The following NRG1 variants were observed in gnomAD, a reference collection of about 807,000 sequenced individuals.
The protein encoded by NRG1 is neuregulin 1, also known as pro-neuregulin-1, membrane-bound isoform.
NRG1 carries 18 observed loss-of-function variants against 63.8 expected under a neutral mutation model. The observed-to-expected ratio is 0.28, with a 90% CI of 0.19 to 0.42. The LOEUF (loss-of-function observed/expected upper bound fraction) is 0.42. NRG1 is among the 10% of genes least tolerant of loss of function. The probability of loss-of-function intolerance (pLI) is 1.00; values close to 1 mark genes in which losing one functional copy is unlikely to be tolerated. For missense variants in NRG1, 762 were observed against 814.7 expected (o/e 0.94, Z 0.79); for synonymous variants, 302 against 301.3 (o/e 1.00, Z -0.02).
intron 1 of NRG1, among the ~76,000 whole-genome samples, chr8:32,352,911 A>T (rs951448876): frequency 6.8e-5 from 8 of 118,170 alleles, no homozygotes; most frequent in African/African-American, 2.4e-4. Flanking sequence ...ATATATATAT[A>T]TATAGAGAGA....
intron 1 of NRG1, among the ~76,000 whole-genome samples, chr8:32,014,927 G>A (rs911303043): frequency 1.3e-5 from 2 of 152,026 alleles, no homozygotes; most frequent in East Asian, 3.9e-4. Context: ...AGGTGATCCA[G>A]CTACAAGCCA....
intron 1 of NRG1, among the ~76,000 whole-genome samples, chr8:32,089,076 A>G (rs1460409619): frequency 6.6e-6 from 1 of 152,044 alleles, no homozygotes; most frequent in Non-Finnish European, 1.5e-5. Context: ...ATGTGTGTGT[A>G]TGTGTGTGTT....
intron 1 of NRG1, among the ~76,000 whole-genome samples, chr8:32,177,676 G>A (rs959524040): frequency 7.9e-5 from 12 of 151,484 alleles, no homozygotes; most frequent in African/African-American, 2.2e-4. Context: ...AGTTTGCTGC[G>A]GATGATTATA....
chr8:31,922,031 T>G (rs2129618823), intron 1 of NRG1, among the ~76,000 whole-genome samples: 1 of 152,342 alleles, frequency 6.6e-6, no homozygotes, highest in South Asian at 2.1e-4. Flanking sequence ...AGCAGCAATC[T>G]TGTTTTAGAA....
intron 1 of NRG1, among the ~76,000 whole-genome samples, chr8:31,751,858 TG>T (rs1219708964): frequency 6.6e-6 from 1 of 151,936 alleles, no homozygotes; most frequent in East Asian, 1.9e-4. Flanking sequence ...ATAAAATGGA[TG>T]GGGGTGCCGT....
intron 1 of NRG1, among the ~76,000 whole-genome samples, chr8:31,686,421 G>T (rs1808898731): frequency 1.3e-5 from 2 of 151,986 alleles, no homozygotes; most frequent in African/African-American, 4.8e-5. Context: ...CATGATTTTT[G>T]TGTATAGACA....
chr8:32,618,295 A>G (rs1454969454), intron 5 of NRG1, among the ~76,000 whole-genome samples: 1 of 151,776 alleles, frequency 6.6e-6, no homozygotes, highest in Non-Finnish European at 1.5e-5. Flanking sequence ...TGTGTGATTC[A>G]TTGAATAAAG....
chr8:31,704,646 C>G (rs941877873), intron 1 of NRG1, among the ~76,000 whole-genome samples: 2 of 151,920 alleles, frequency 1.3e-5, no homozygotes, highest in African/African-American at 4.8e-5. Context: ...TCCTGGCTAA[C>G]ACGGTGAAAA....
intron 1 of NRG1, among the ~76,000 whole-genome samples, chr8:31,940,692 C>A (rs892523299): frequency 6.6e-6 from 1 of 151,864 alleles, no homozygotes; most frequent in East Asian, 1.9e-4. Context: ...TCCAAATAAT[C>A]GTAATTAGAA....
At chr8:31,952,136 T>C (rs1254035357) in intron 1 of NRG1, among the ~76,000 whole-genome samples, 3 of 152,346 alleles carry the variant, frequency 2.0e-5, no homozygotes, top group Non-Finnish European at 2.9e-5. Context: ...ATAGGATGTT[T>C]CCTCCATACC....
intron 1 of NRG1, among the ~76,000 whole-genome samples, chr8:31,646,255 T>C (rs546846209): frequency 6.6e-6 from 1 of 152,332 alleles, no homozygotes; most frequent in Admixed American, 6.5e-5. Context: ...AAAACAGCTC[T>C]GAGTGGTGCA....
chr8:32,744,536 C>T (rs35033136), intron 7 of NRG1, among the ~76,000 whole-genome samples: 2,204 of 152,012 alleles, frequency 0.014, 24 homozygotes, highest in Non-Finnish European at 0.025. Context: ...TTATTTAATA[C>T]CTTAAAGCAT....
intron 5 of NRG1, among the ~76,000 whole-genome samples, chr8:32,669,659 G>C (rs1805114865): frequency 6.6e-6 from 1 of 152,126 alleles, no homozygotes. Context: ...AAACAAGACA[G>C]TTCATCTGAG....
chr8:32,770,971 A>G (rs1831745065), downstream of NRG1, among the ~76,000 whole-genome samples: 1 of 152,198 alleles, frequency 6.6e-6, no homozygotes, highest in South Asian at 2.1e-4. Flanking sequence ...CCATTGCACA[A>G]TGGATCAAAT....
chr8:31,979,241 C>T (rs189815483), intron 1 of NRG1, among the ~76,000 whole-genome samples: 5 of 152,198 alleles, frequency 3.3e-5, no homozygotes, highest in Admixed American at 3.3e-4. Flanking sequence ...ATGGGTTAAC[C>T]CAGGTTCTTG....
intron 1 of NRG1, among the ~76,000 whole-genome samples, chr8:32,332,831 T>G (rs1249613017): frequency 2.0e-5 from 3 of 152,186 alleles, no homozygotes; most frequent in Non-Finnish European, 2.9e-5. Context: ...AGACTGTGTT[T>G]TACTCACTCA....
exon 12 of NRG1, chr8:32,764,797 T>C (rs1831293040): frequency 6.2e-6 from 1 of 161,920 alleles, no homozygotes; most frequent in South Asian, 1.7e-4. Flanking sequence ...TTGCTTGTAG[T>C]AGCACCCGAT....
At chr8:32,628,534 G>A (rs1300983368) in intron 5 of NRG1, among the ~76,000 whole-genome samples, 1 of 152,124 alleles carries the variant, frequency 6.6e-6, no homozygotes. Context: ...TATGTGAAAC[G>A]AAGATAAGGT....
At chr8:32,249,753 A>G (rs1848913940) in intron 1 of NRG1, among the ~76,000 whole-genome samples, 1 of 152,146 alleles carries the variant, frequency 6.6e-6, no homozygotes, top group Non-Finnish European at 1.5e-5. Context: ...ACCTGTGTTG[A>G]GTAAACAAAG....
Sources: gnomAD v4.1 joint callset for allele counts (sites outside exome capture counted in the v4.1 genomes callset) on GRCh38, gnomAD v4.1.1 for gene constraint, MANE v1.5 for transcripts, NCBI Gene and HGNC (gene_info 2026-07-23, HGNC 2026-07-21) for gene names.